ATP6V0A4: variants seen among roughly 807,000 people sequenced by gnomAD.
The protein encoded by ATP6V0A4 is V-type proton ATPase 116 kDa subunit a 4.
ATP6V0A4 carries 86 observed loss-of-function variants against 107.3 expected under a neutral mutation model. That is an observed-to-expected ratio of 0.80 (90% CI 0.67 to 0.96). The LOEUF (loss-of-function observed/expected upper bound fraction) is 0.96. Ranked by LOEUF, ATP6V0A4 falls within the 40% of genes least tolerant of loss-of-function variation. The pLI is 0.00. For synonymous variants in ATP6V0A4, 353 were observed against 381.4 expected, an observed-to-expected ratio of 0.93 and a Z score of 0.87; for missense variants, 908 against 1,045.6, an observed-to-expected ratio of 0.87 and a Z score of 1.81.
chr7:138,756,677 T>C, intron 8 of ATP6V0A4, 137 bp from the exon 9 acceptor site: 12 of 1,165,548 alleles, frequency 1.0e-5, no homozygotes, highest in Non-Finnish European at 1.4e-5. Flanking sequence ...ACTTTCCTAG[T>C]TCATCTAAGT....
In ATP6V0A4 at chr7:138,769,213, C is replaced by A; in HGVS notation, c.156G>T (p.Val52=). The A allele has an allele frequency of 6.2e-7, 1 of 1,612,288 alleles. No homozygotes were observed. The change falls in exon 4 of 22, where the codon GTG becomes GTT. Residue 52 remains valine (V), a synonymous_variant. Transcript: ENST00000310018. ...MNVNSFQRKF[V]NEVRRCESLE... Reference sequence around the variant, plus strand: ...GTGATTCACACCTTCTGACTTCATTCACAAATTTCCTTTGAAAGCTGTTCA... The same window carrying A: ...GTGATTCACACCTTCTGACTTCATTAACAAATTTCCTTTGAAAGCTGTTCA...
At position 138,784,287 on chromosome 7, in the gene ATP6V0A4, T is replaced by C. The variant is rs1470242045; in HGVS notation, c.-18+1871A>G. ...ATATACATATATATATATACATATA[T>C]ATACACACACACACACACACATATA... On this transcript the variant is annotated intron_variant, in intron 2 of 21. Coordinates refer to ENST00000310018, the MANE Select transcript of ATP6V0A4 (RefSeq NM_020632.3). Among the ~76,000 whole-genome samples, 232 of 31,978 alleles carry C rather than the reference T, an allele frequency of 7.3e-3. 11 individuals are homozygous for C. In the South Asian group the frequency reaches 0.15, roughly 21 times the overall value. The allele number at this position is 31,978 out of a possible 152,430, so 21.0% of individuals were successfully genotyped here.
At chr7:138,775,929 C>T (rs886459103) in intron 2 of ATP6V0A4, among the ~76,000 whole-genome samples, 1 of 152,080 alleles carries the variant, frequency 6.6e-6, no homozygotes, top group Non-Finnish European at 1.5e-5. Flanking sequence ...GGATTACAGG[C>T]GTGAGCCACC....
rs1012994371 is a variant in ATP6V0A4 at position 138,755,937 on chromosome 7, T to C, written c.723-155A>G. 7 of 1,358,238 alleles carry C rather than the reference T, an allele frequency of 5.2e-6. No homozygotes were observed. In the African/African-American group the frequency reaches 7.2e-5, roughly 14 times the overall value. 84.1% of individuals were successfully genotyped at this position (1,358,238 alleles called of 1,614,324 possible). On this transcript the variant is annotated intron_variant, in intron 9 of 21. Transcript: ENST00000310018. ...TTGGCCACTGGAAAAGGAGTCCCAGTCATAAGGGTTCCCAGTACGTCACTT... is the reference window on the plus strand; with the variant it reads ...TTGGCCACTGGAAAAGGAGTCCCAGCCATAAGGGTTCCCAGTACGTCACTT...
chr7:138,749,087 CCACCTCGGT>C (rs1806099261), intron 12 of ATP6V0A4, 71 bp downstream of exon 12: 1 of 1,567,178 alleles, frequency 6.4e-7, no homozygotes, highest in African/African-American at 1.4e-5. Context: ...AACAAGTTCA[CCACCTCGGT>C]CACCTCAGGG....
chr7:138,763,365 T>C (rs928713169), intron 5 of ATP6V0A4, among the ~76,000 whole-genome samples: 1 of 152,128 alleles, frequency 6.6e-6, no homozygotes, highest in Non-Finnish European at 1.5e-5. Context: ...CGGTGGCTCA[T>C]GCCTGTAATC....
intron 13 of ATP6V0A4, 30 bp from the exon 14 acceptor site, chr7:138,745,310 G>C (rs754798522): frequency 6.2e-7 from 1 of 1,613,436 alleles, no homozygotes; most frequent in South Asian, 1.1e-5. Context: ...GAGGATGATT[G>C]TCAGTGGGCT....
rs745618366 is a variant in ATP6V0A4 at position 138,771,150 on chromosome 7, C to T, written c.98G>A (p.Gly33Glu). The change falls in exon 3 of 22, where the codon GGA (glycine) becomes GAA (glutamate). Residue 33 changes from glycine (G) to glutamate (E), a missense_variant. Physicochemically the swap from Gly to Glu is moderately conservative, Grantham distance 98. Transcript: ENST00000310018. Reference sequence around the variant, plus strand: ...ACCTACATCTTTGAACTGAACCAATCCGAGCTCTCCGAGCTCAGCCACACA... The same window carrying T: ...ACCTACATCTTTGAACTGAACCAATTCGAGCTCTCCGAGCTCAGCCACACA... ...YCCVAELGEL[G>E]LVQFKDLNMN... The T allele has an allele frequency of 1.9e-6, 3 of 1,614,152 alleles. No individual in the cohort carries two copies. Among genetic ancestry groups the T allele is most frequent in the Non-Finnish European group, 2.5e-6 (3 of 1,180,026 alleles).
At position 138,745,241 on chromosome 7, in the gene ATP6V0A4, G is replaced by A. The variant is rs1302290047; in HGVS notation, c.1360C>T (p.Leu454Phe). The change falls in exon 14 of 22, where the codon CTT (leucine) becomes TTT (phenylalanine). Residue 454 changes from leucine (L) to phenylalanine (F), a missense_variant. Transcript: ENST00000310018. ...GTGTAGATGGAGAAGATGCCCATAAGTAGGATCAGATAGCGCCCGTGGAAG... is the reference window on the plus strand; with the variant it reads ...GTGTAGATGGAGAAGATGCCCATAAATAGGATCAGATAGCGCCCGTGGAAG... ...TFFHGRYLIL[L>F]MGIFSIYTGL... is the part of the protein sequence containing the mutation. The A allele has an allele frequency of 1.2e-6, 2 of 1,609,998 alleles. No homozygotes were observed. Among genetic ancestry groups the A allele is most frequent in the Admixed American group, 1.7e-5 (1 of 59,654 alleles).
intron 18 of ATP6V0A4, among the ~76,000 whole-genome samples, chr7:138,723,469 A>C (rs1252250621): frequency 6.6e-6 from 1 of 151,086 alleles, no homozygotes; most frequent in Non-Finnish European, 1.5e-5. Context: ...GAATGATTTC[A>C]TGGGAGGGGT....
intron 18 of ATP6V0A4, among the ~76,000 whole-genome samples, chr7:138,723,526 T>TC (rs1283963080): frequency 1.3e-5 from 1 of 75,508 alleles, no homozygotes; most frequent in African/African-American, 4.8e-5. Context: ...TTCTTTTCTT[T>TC]TTTTTTTTTT....
chr7:138,737,747 A>G (rs1384505448), intron 15 of ATP6V0A4, among the ~76,000 whole-genome samples: 3 of 143,914 alleles, frequency 2.1e-5, no homozygotes, highest in Non-Finnish European at 3.0e-5. Flanking sequence ...ATGCCTGGCT[A>G]ATTTTGGTAT....
At chr7:138,751,394 C>G (rs1431234402) in intron 11 of ATP6V0A4, among the ~76,000 whole-genome samples, 2 of 152,112 alleles carry the variant, frequency 1.3e-5, no homozygotes, top group Non-Finnish European at 2.9e-5. Context: ...TCAAGCCCGT[C>G]TGTCCAGTGT....
chr7:138,745,956 A>ATATATATATATATATATATATATAT (rs368085887), intron 13 of ATP6V0A4, among the ~76,000 whole-genome samples: 2 of 34,694 alleles, frequency 5.8e-5, no homozygotes, highest in African/African-American at 1.8e-4. Context: ...AAAAAAAAAA[A>ATATATATATATATATATATATATAT]AAAAAAATAT....
intron 20 of ATP6V0A4, among the ~76,000 whole-genome samples, chr7:138,712,295 CTTCAGCTCCAACCTCAGCAGTAGTTT>C (rs1164407376): frequency 6.6e-6 from 1 of 152,148 alleles, no homozygotes; most frequent in African/African-American, 2.4e-5. Context: ...TGATGTTGGT[CTTCAGCTCCAACCTCAGCAGTAGTTT>C]GAAGGACTTG....
At chr7:138,715,093 G>GA (rs1197326810) in intron 20 of ATP6V0A4, among the ~76,000 whole-genome samples, 3 of 152,206 alleles carry the variant, frequency 2.0e-5, no homozygotes, top group African/African-American at 7.2e-5. Context: ...GAAAGGCCAG[G>GA]AAACAAATTC....
At chr7:138,719,960 G>T (rs1280438320) in intron 19 of ATP6V0A4, among the ~76,000 whole-genome samples, 2 of 152,024 alleles carry the variant, frequency 1.3e-5, no homozygotes, top group African/African-American at 4.8e-5. Context: ...GGGAGGCAAA[G>T]GTTGCAGTGA....
chr7:138,737,217 G>C (rs992795584), intron 15 of ATP6V0A4, among the ~76,000 whole-genome samples: 1 of 149,066 alleles, frequency 6.7e-6, no homozygotes, highest in Non-Finnish European at 1.5e-5. Context: ...TAATTTCCAC[G>C]TGCTGTGGGA....
intron 1 of ATP6V0A4, among the ~76,000 whole-genome samples, chr7:138,797,120 A>G (rs1484951516): frequency 6.6e-6 from 1 of 150,936 alleles, no homozygotes; most frequent in Non-Finnish European, 1.5e-5. Context: ...ACCTTTGCTC[A>G]TCTGTCCCTC....
Sources: gnomAD v4.1 joint callset for allele counts (sites outside exome capture counted in the v4.1 genomes callset) on GRCh38, gnomAD v4.1.1 for gene constraint, MANE v1.5 for transcripts, NCBI Gene and HGNC (gene_info 2026-07-23, HGNC 2026-07-21) for gene names.